ARID3A: variants seen among roughly 807,000 people sequenced by gnomAD.
The protein encoded by ARID3A is AT-rich interaction domain 3A, also known as AT-rich interactive domain-containing protein 3A.
ARID3A carries 11 observed loss-of-function variants against 52.7 expected under a neutral mutation model. The ratio of observed to expected loss-of-function variants is 0.21; its 90% CI spans 0.13 to 0.35. The LOEUF is 0.35. Among genes scored for constraint, ARID3A ranks in the 10% least tolerant of loss-of-function variants. The pLI, the probability that ARID3A is intolerant of heterozygous loss-of-function variation, is 1.00. For synonymous variants in ARID3A, 404 were observed against 359.4 expected (o/e 1.12, Z -1.40); for missense variants, 721 against 838.5 (o/e 0.86, Z 1.73).
intron 7 of ARID3A, among the ~76,000 whole-genome samples, chr19:967,754 G>A (rs2038189370): frequency 6.6e-6 from 1 of 152,114 alleles, no homozygotes; most frequent in South Asian, 2.1e-4. Flanking sequence ...GATCAGAAAT[G>A]GCAGTTTTGG....
rs1195128617 is a variant in ARID3A, at chr19:932,649, T to C, written c.600T>C (p.Pro200=). The C allele has an allele frequency of 6.5e-7, 1 of 1,542,996 alleles. No individual in the cohort carries two copies. The highest frequency in any genetic ancestry group is 1.4e-5 in the African/African-American group (1 of 72,600). ...TGGGGGGCCAGGAGCGGCCGGGGCC[T>C]GGCCCTGCCCACCCCGGAGGGGCCG... ...RVLGGQERPG[P]GPAHPGGAAH... The change falls in exon 3 of 9, where the codon CCT becomes CCC. Residue 200 remains proline (P), a synonymous_variant. Coordinates refer to ENST00000263620, the MANE Select transcript of ARID3A (RefSeq NM_005224.3).
intron 3 of ARID3A, among the ~76,000 whole-genome samples, chr19:939,407 G>A (rs2037500523): frequency 6.6e-6 from 1 of 152,130 alleles, no homozygotes; most frequent in South Asian, 2.1e-4. Context: ...CTGAGCCACC[G>A]CGCCCGGCCT....
chr19:947,425 G>C lies in ARID3A; in HGVS notation c.694-12667G>C, dbSNP rs561943136. Among the ~76,000 whole-genome samples the C allele has an allele frequency of 6.6e-6, 1 of 152,160 alleles. No homozygotes were observed. The highest frequency in any genetic ancestry group is 2.4e-5 in the African/African-American group (1 of 41,438). ...GCCACATCTCAGCACCAGGCCTGTC[G>C]CTGCCGTCCTGGACTCGTGGGCCTC... On this transcript the variant is annotated intron_variant, in intron 3 of 8. Transcript: ENST00000263620. The surrounding 1 kb of genome is among the most constrained non-coding windows in gnomAD (Gnocchi z 6.3).
chr19:971,621 A>C (rs1424746221), intron 8 of ARID3A, among the ~76,000 whole-genome samples: 4 of 152,118 alleles, frequency 2.6e-5, no homozygotes, highest in African/African-American at 9.7e-5. Flanking sequence ...CTCAAAAAAA[A>C]ACAAAAAAAT....
rs538561623 is a variant in ARID3A at position 946,426 on chromosome 19, T to C, written c.694-13666T>C. 1.2e-4 allele frequency among the ~76,000 whole-genome samples: 17 copies of C among 145,400 alleles called. No individual in the cohort carries two copies. The South Asian group carries it at 3.3e-3, about 28-fold the overall frequency. Reference sequence around the variant, plus strand: ...ACAAGCGTGCACCACCACGCCCGGCTAATTTTTTGAATCTTTTTTTTTTTT... The same window carrying C: ...ACAAGCGTGCACCACCACGCCCGGCCAATTTTTTGAATCTTTTTTTTTTTT... On this transcript the variant is annotated intron_variant, in intron 3 of 8. Transcript: ENST00000263620.
intron 3 of ARID3A, among the ~76,000 whole-genome samples, chr19:952,933 T>C (rs936428686): frequency 6.6e-6 from 1 of 152,016 alleles, no homozygotes; most frequent in Admixed American, 6.6e-5. Flanking sequence ...CCCTGTGACC[T>C]TGGGCACTGC....
Position 972,630 on chromosome 19 carries a change from AT to A in ARID3A, c.*574del, listed in dbSNP as rs1241147849. 1.3e-4 allele frequency: 29 copies of A among 218,506 alleles called. No individual in the cohort carries two copies. The highest frequency in any genetic ancestry group is 5.2e-4 in the East Asian group (8 of 15,264). 13.5% of individuals were successfully genotyped at this position (218,506 alleles called of 1,614,324 possible). A position where few individuals can be genotyped will look rare whatever the true frequency, so the allele number is the denominator to read the frequency against. ...TGTTTTTTTCTTGTTGCTTTGGGAA[AT>A]TTTTTTTTCTCTGTAGGGTTTTTAA... On this transcript the variant is annotated 3_prime_UTR_variant, in exon 9 of 9. Transcript: ENST00000263620.
rs941468422 is a variant in ARID3A at position 941,600 on chromosome 19, A to T, written c.693+8858A>T. ...CTTTGTGAATGTCTATGTTGGGGTG[A>T]TGATCTCCTGTGTGTGCATTTTTTT... On this transcript the variant is annotated intron_variant, in intron 3 of 8. Coordinates refer to ENST00000263620, the MANE Select transcript of ARID3A (RefSeq NM_005224.3). The surrounding 1 kb of genome is among the most constrained non-coding windows in gnomAD (Gnocchi z 6.9). Among the ~76,000 whole-genome samples, 4 of 151,772 alleles carry T rather than the reference A, an allele frequency of 2.6e-5. No homozygotes were observed. Among genetic ancestry groups the T allele is most frequent in the Non-Finnish European group, 5.9e-5 (4 of 67,950 alleles).
Position 929,600 on chromosome 19 carries a change from G to T in ARID3A, c.72G>T (p.Arg24=), listed in dbSNP as rs1204533807. 1 of 1,524,546 alleles carries T rather than the reference G, an allele frequency of 6.6e-7. No individual in the cohort carries two copies. Among genetic ancestry groups the T allele is most frequent in the South Asian group, 1.2e-5 (1 of 83,544 alleles). 94.4% of individuals were successfully genotyped at this position (1,524,546 alleles called of 1,614,324 possible). The change falls in exon 2 of 9, where the codon CGG becomes CGT. Residue 24 remains arginine (R), a synonymous_variant. Transcript: ENST00000263620. The surrounding 1 kb of genome is among the most constrained non-coding windows in gnomAD (Gnocchi z 6.2). ...QQRARQELEA[R]QQLPPDPPAA... ...GGGCGCGCCAGGAGCTGGAGGCCCG[G>T]CAGCAGCTGCCCCCCGATCCCCCTG... is the stretch of plus-strand genomic sequence containing the variant.
chr19:961,965 AG>A (rs2145445823), intron 4 of ARID3A: 1 of 152,262 alleles, frequency 6.6e-6, no homozygotes, highest in Non-Finnish European at 1.5e-5. Context: ...AGTGTGGGTG[AG>A]ATGGGGGCCC....
rs910006326 is a variant in ARID3A, at chr19:959,406, C to T, written c.694-686C>T. On this transcript the variant is annotated intron_variant, in intron 3 of 8. Coordinates refer to ENST00000263620, the MANE Select transcript of ARID3A (RefSeq NM_005224.3). The surrounding 1 kb of genome is among the most constrained non-coding windows in gnomAD (Gnocchi z 5.0). Reference sequence around the variant, plus strand: ...CTCCCACCTCAGCCTCCCGAGTAGCCGGGACTGTAGGCATGAGCCACCCCA... The same window carrying T: ...CTCCCACCTCAGCCTCCCGAGTAGCTGGGACTGTAGGCATGAGCCACCCCA... 2.0e-5 allele frequency among the ~76,000 whole-genome samples: 3 copies of T among 152,064 alleles called. No homozygotes were observed. The highest frequency in any genetic ancestry group is 4.4e-5 in the Non-Finnish European group (3 of 68,018).
chr19:931,834 A>C (rs2037335421), intron 2 of ARID3A, among the ~76,000 whole-genome samples: 1 of 151,898 alleles, frequency 6.6e-6, no homozygotes. Flanking sequence ...AAAAAAAAAA[A>C]AACGGCTGCC....
intron 6 of ARID3A, among the ~76,000 whole-genome samples, chr19:965,775 T>C (rs4807313): frequency 0.67 from 101,226 of 151,572 alleles, 34,768 homozygotes; most frequent in Middle Eastern, 0.78. Flanking sequence ...GCGGATCGCT[T>C]GAGGTCAGAA....
intron 3 of ARID3A, among the ~76,000 whole-genome samples, chr19:948,855 GT>G (rs2037742486): frequency 6.6e-6 from 1 of 151,862 alleles, no homozygotes; most frequent in Admixed American, 6.6e-5. Context: ...GACTACAGGC[GT>G]GCGCCACCAC....
intron 1 of ARID3A, among the ~76,000 whole-genome samples, chr19:928,072 G>A (rs1273055372): frequency 1.3e-5 from 2 of 152,048 alleles, no homozygotes; most frequent in African/African-American, 4.8e-5. Flanking sequence ...AGTCCCAGGG[G>A]TCCCTGCCTC....
In ARID3A at chr19:972,226, T is replaced by C. The variant is rs906586472; in HGVS notation, c.*161T>C. 2.3e-5 allele frequency: 5 copies of C among 213,438 alleles called. No individual in the cohort carries two copies. The highest frequency in any genetic ancestry group is 1.9e-4 in the South Asian group (1 of 5,404). The allele number at this position is 213,438 out of a possible 1,614,324, so 13.2% of individuals were successfully genotyped here. ...CGCCAAAAAGAAAAGAAAAAAGATATATATATATATATATATATATACACG... is the reference window on the plus strand; with the variant it reads ...CGCCAAAAAGAAAAGAAAAAAGATACATATATATATATATATATATACACG... On this transcript the variant is annotated 3_prime_UTR_variant, in exon 9 of 9. Transcript: ENST00000263620.
intron 3 of ARID3A, among the ~76,000 whole-genome samples, chr19:933,361 C>T (rs897662914): frequency 1.4e-4 from 22 of 152,270 alleles, no homozygotes; most frequent in African/African-American, 4.1e-4. Context: ...TCCCCGCAGG[C>T]GGCCAGGCCA....
chr19:961,822 G>A (rs1637998), intron 4 of ARID3A: 98,021 of 152,136 alleles, frequency 0.64, 32,314 homozygotes, highest in Middle Eastern at 0.78. Context: ...GGGAGGCTGA[G>A]GCAGGAGAAT....
At chr19:963,568 C>T (rs774194657) in intron 4 of ARID3A, among the ~76,000 whole-genome samples, 84 of 152,140 alleles carry the variant, frequency 5.5e-4, no homozygotes, top group Admixed American at 1.0e-3. Context: ...CGTCTGCAGC[C>T]GGCTCCAGGA....
Sources: allele counts gnomAD v4.1 joint callset (sites outside exome capture counted in the v4.1 genomes callset), GRCh38; gene constraint gnomAD v4.1.1; non-coding constraint Gnocchi (gnomAD v3.1); transcripts MANE v1.5; gene names NCBI Gene and HGNC (gene_info 2026-07-23, HGNC 2026-07-21).